TMC1: variants seen among roughly 807,000 people sequenced by gnomAD.
The protein encoded by TMC1 is transmembrane channel-like protein 1.
Under a neutral mutation model 105.8 loss-of-function variants are expected in TMC1, and 84 were observed. The ratio of observed to expected loss-of-function variants is 0.79; its 90% CI spans 0.67 to 0.95. The LOEUF is 0.95. Ranked by LOEUF, TMC1 falls within the 40% of genes least tolerant of loss-of-function variation. TMC1 has a pLI of 0.00. For missense variants in TMC1, 817 were observed against 914.1 expected, an observed-to-expected ratio of 0.89 and a Z score of 1.37; for synonymous variants, 315 against 311.5, an observed-to-expected ratio of 1.01 and a Z score of -0.12.
In TMC1 at chr9:72,563,138, G is replaced by A. The variant is rs1372286130; in HGVS notation, c.-427-14764G>A. ...AAAAAGAATAATGTTTTTGAGGGGA[G>A]AATAGCAAGTACTCTGGGGGTGGCC... is the stretch of plus-strand genomic sequence containing the variant. On this transcript the variant is annotated intron_variant, in intron 1 of 23. Transcript: ENST00000297784. Among the ~76,000 whole-genome samples the A allele has an allele frequency of 2.6e-5, 4 of 152,140 alleles. No individual in the cohort carries two copies. The East Asian group carries it at 7.7e-4, about 29-fold the overall frequency.
intron 5 of TMC1, among the ~76,000 whole-genome samples, chr9:72,665,977 G>A (rs965077923): frequency 1.3e-5 from 2 of 152,188 alleles, no homozygotes; most frequent in Non-Finnish European, 2.9e-5. Flanking sequence ...TTCCTCCATG[G>A]CCTTTGGTTG....
intron 11 of TMC1, among the ~76,000 whole-genome samples, chr9:72,752,447 A>AACACACACACACACACACACACACAC (rs10640023): frequency 6.7e-6 from 1 of 149,106 alleles, no homozygotes; most frequent in African/African-American, 2.5e-5. Context: ...TAATGCCCAC[A>AACACACACACACACACACACACACAC]ACACACACAC....
chr9:72,531,293 C>G (rs1823495130), intron 1 of TMC1, among the ~76,000 whole-genome samples: 1 of 152,252 alleles, frequency 6.6e-6, no homozygotes, highest in South Asian at 2.1e-4. Context: ...TTAACAGTGT[C>G]TAGTCTGTAT....
intron 18 of TMC1, 105 bp from the exon 19 acceptor site, chr9:72,816,038 C>A: frequency 1.1e-6 from 1 of 933,870 alleles, no homozygotes; most frequent in Non-Finnish European, 1.8e-6. Context: ...GCTATTGTTG[C>A]TGAAGGGAAG....
At position 72,627,980 on chromosome 9, in the gene TMC1, G is replaced by A; in HGVS notation, c.-136G>A. On this transcript the variant is annotated 5_prime_UTR_variant, in exon 4 of 24. An upstream open reading frame in the 5' UTR gains an earlier in-frame stop. Transcript: ENST00000297784. ...TGCTTCACATCTGAAAATCTCTGCTGGGGGCAGCAACTTTGAGCCTGTGGG... is the reference window on the plus strand; with the variant it reads ...TGCTTCACATCTGAAAATCTCTGCTAGGGGCAGCAACTTTGAGCCTGTGGG... 1 of 455,330 alleles carries A rather than the reference G, an allele frequency of 2.2e-6. No homozygotes were observed. Among genetic ancestry groups the A allele is most frequent in the Non-Finnish European group, 4.4e-6 (1 of 226,566 alleles). The allele number at this position is 455,330 out of a possible 1,614,324, so 28.2% of individuals were successfully genotyped here. A position where few individuals can be genotyped will look rare whatever the true frequency, so the allele number is the denominator to read the frequency against.
intron 2 of TMC1, among the ~76,000 whole-genome samples, chr9:72,599,175 C>T (rs1271261978): frequency 7.2e-5 from 11 of 152,086 alleles, no homozygotes; most frequent in East Asian, 3.9e-4. Flanking sequence ...GGATTACAGG[C>T]GTGTGCCAGC....
At chr9:72,662,820 A>G (rs1017263995) in intron 5 of TMC1, among the ~76,000 whole-genome samples, 2 of 152,244 alleles carry the variant, frequency 1.3e-5, no homozygotes, top group African/African-American at 4.8e-5. Context: ...TGATTATACT[A>G]GAAAATCTTG....
At chr9:72,695,763 T>C (rs1053321818) in intron 7 of TMC1, among the ~76,000 whole-genome samples, 4 of 152,172 alleles carry the variant, frequency 2.6e-5, no homozygotes. Context: ...TCTTTTAGAA[T>C]AAGAATAACA....
intron 2 of TMC1, among the ~76,000 whole-genome samples, chr9:72,610,093 T>C (rs1205351899): frequency 6.6e-6 from 1 of 152,240 alleles, no homozygotes; most frequent in Non-Finnish European, 1.5e-5. Flanking sequence ...AGACATTTCA[T>C]AAATCCTTAT....
At chr9:72,671,042 A>G (rs2132168733) in intron 5 of TMC1, among the ~76,000 whole-genome samples, 1 of 152,340 alleles carries the variant, frequency 6.6e-6, no homozygotes, top group African/African-American at 2.4e-5. Context: ...AGAAGCATAC[A>G]CATTTACTTA....
chr9:72,795,280 A>T (rs1828344453), intron 17 of TMC1, among the ~76,000 whole-genome samples: 1 of 152,216 alleles, frequency 6.6e-6, no homozygotes. Flanking sequence ...CTAACAGTCA[A>T]ATTTAGGAAA....
chr9:72,571,742 T>C (rs1039934172), intron 1 of TMC1, among the ~76,000 whole-genome samples: 8 of 152,330 alleles, frequency 5.3e-5, no homozygotes, highest in East Asian at 1.9e-4. Context: ...TGAATGTTTA[T>C]ATTCATAGTA....
intron 2 of TMC1, among the ~76,000 whole-genome samples, chr9:72,604,118 G>A (rs1014399614): frequency 1.3e-5 from 2 of 152,158 alleles, no homozygotes; most frequent in East Asian, 3.9e-4. Flanking sequence ...ATTGTAATGA[G>A]AGAACAGGCT....
chr9:72,747,566 C>A (rs1827509701), intron 10 of TMC1, among the ~76,000 whole-genome samples: 1 of 151,988 alleles, frequency 6.6e-6, no homozygotes, highest in Non-Finnish European at 1.5e-5. Flanking sequence ...GTATCAGAGA[C>A]TCTGTTTTTT....
At chr9:72,795,245 G>A (rs1032865832) in intron 17 of TMC1, among the ~76,000 whole-genome samples, 1 of 152,154 alleles carries the variant, frequency 6.6e-6, no homozygotes, top group African/African-American at 2.4e-5. Flanking sequence ...CCTTACTAGA[G>A]AGGCAAATTT....
chr9:72,586,140 A>G (rs912364098), intron 2 of TMC1, among the ~76,000 whole-genome samples: 2 of 152,198 alleles, frequency 1.3e-5, no homozygotes, highest in Non-Finnish European at 2.9e-5. Context: ...AATGGTTCTA[A>G]TTAGTGCTTA....
At chr9:72,634,453 C>A (rs554802689) in intron 4 of TMC1, among the ~76,000 whole-genome samples, 1 of 152,144 alleles carries the variant, frequency 6.6e-6, no homozygotes, top group African/African-American at 2.4e-5. Context: ...AATTTAAGTT[C>A]TTCTCATAAG....
At chr9:72,612,103 C>A (rs1356825255) in intron 2 of TMC1, among the ~76,000 whole-genome samples, 2 of 152,128 alleles carry the variant, frequency 1.3e-5, no homozygotes, top group South Asian at 2.1e-4. Flanking sequence ...CTGCTGTGAC[C>A]TACAGGGTCA....
At chr9:72,631,702 G>T (rs912041233) in intron 4 of TMC1, among the ~76,000 whole-genome samples, 1 of 152,170 alleles carries the variant, frequency 6.6e-6, no homozygotes, top group African/African-American at 2.4e-5. Flanking sequence ...GAGCACTCTG[G>T]TGCTTCCAAA....
Sources: gnomAD v4.1 joint callset for allele counts (sites outside exome capture counted in the v4.1 genomes callset) on GRCh38, gnomAD v4.1.1 for gene constraint, MANE v1.5 for transcripts, NCBI Gene and HGNC (gene_info 2026-07-23, HGNC 2026-07-21) for gene names.